The following TRPM1 variants were observed in gnomAD, a reference collection of about 807,000 sequenced individuals.
The protein encoded by TRPM1 is TRPM1-203 APA Isoform, Intron 10.
In TRPM1, 113 loss-of-function variants were observed where a neutral mutation model predicts 149.4. The ratio of observed to expected loss-of-function variants is 0.76; its 90% CI spans 0.65 to 0.88. The LOEUF (loss-of-function observed/expected upper bound fraction) is 0.88, where lower values mean the gene tolerates loss of function less well. TRPM1 is among the 40% of genes least tolerant of loss of function. The pLI is 0.00. For missense variants in TRPM1, 1,976 were observed against 2,038.7 expected (o/e 0.97, Z 0.59); for synonymous variants, 741 against 759.5 (o/e 0.98, Z 0.40).
At chr15:31,148,791 A>G (rs1410468637) in intron 1 of TRPM1, among the ~76,000 whole-genome samples, 4 of 152,100 alleles carry the variant, frequency 2.6e-5, no homozygotes, top group African/African-American at 9.7e-5. Context: ...TGGCTGGCTG[A>G]TTTTTGCCAG....
intron 1 of TRPM1, among the ~76,000 whole-genome samples, chr15:31,092,971 CAAT>C (rs1434615460): frequency 3.3e-5 from 5 of 151,546 alleles, no homozygotes; most frequent in Admixed American, 6.6e-5. Context: ...CAAAATAAAA[CAAT>C]AAGGGGCCGG....
intron 16 of TRPM1, among the ~76,000 whole-genome samples, chr15:31,044,369 C>T (rs977435668): frequency 6.6e-6 from 1 of 151,956 alleles, no homozygotes. Flanking sequence ...TAAAAGCAGA[C>T]ATTAATAAAA....
intron 1 of TRPM1, among the ~76,000 whole-genome samples, chr15:31,154,367 C>A (rs947500271): frequency 4.6e-5 from 7 of 152,098 alleles, no homozygotes; most frequent in Non-Finnish European, 8.8e-5. Context: ...CTGATGAGGA[C>A]TGGGGAACAG....
chr15:31,018,813 C>T (rs1002659529), intron 27 of TRPM1, among the ~76,000 whole-genome samples: 2 of 152,238 alleles, frequency 1.3e-5, no homozygotes, highest in East Asian at 1.9e-4. Context: ...TGTGCCACTA[C>T]ACCCGGCTAA....
At chr15:31,076,278 A>T (rs1025670954) in intron 3 of TRPM1, among the ~76,000 whole-genome samples, 3 of 152,174 alleles carry the variant, frequency 2.0e-5, no homozygotes, top group Non-Finnish European at 4.4e-5. Context: ...CTGTGTCATT[A>T]TTCTACCTGC....
rs370840215 is a variant in TRPM1, at chr15:31,142,484, T to C, written c.54+18422A>G. ...AATCAAAATAATTTCCTATGTTTCA[T>C]GTTTTCTTTATTAGGTCATTGATTA... On this transcript the variant is annotated intron_variant, in intron 1 of 26. Transcript: ENST00000542188. Among the ~76,000 whole-genome samples, 3 of 152,234 alleles carry C rather than the reference T, an allele frequency of 2.0e-5. No individual in the cohort carries two copies. In the East Asian group the frequency reaches 5.8e-4, roughly 29 times the overall value.
At chr15:31,033,192 T>A (rs2033176682) in intron 21 of TRPM1, among the ~76,000 whole-genome samples, 1 of 152,222 alleles carries the variant, frequency 6.6e-6, no homozygotes, top group Middle Eastern at 3.2e-3. Flanking sequence ...CTTCTGGCTG[T>A]AATTAAAGCA....
intron 3 of TRPM1, among the ~76,000 whole-genome samples, chr15:31,074,801 G>C (rs916080149): frequency 3.3e-5 from 5 of 151,948 alleles, no homozygotes; most frequent in South Asian, 2.1e-4. Context: ...TCTTAATATA[G>C]GTATTTACAG....
At chr15:31,054,454 C>T (rs556242785) in intron 11 of TRPM1, among the ~76,000 whole-genome samples, 2 of 152,116 alleles carry the variant, frequency 1.3e-5, no homozygotes, top group East Asian at 3.9e-4. Context: ...AACATCACAC[C>T]CGGGTAATTT....
rs898718360 is a variant in TRPM1, at chr15:31,089,925, C to T, written c.-83-8487G>A. Reference sequence around the variant, plus strand: ...CAGAGGATCCTGGGTTGGCCGGGAGCACCGTGTGGGGGTGGGAAGTGACTA... The same window carrying T: ...CAGAGGATCCTGGGTTGGCCGGGAGTACCGTGTGGGGGTGGGAAGTGACTA... On this transcript the variant is annotated intron_variant, in intron 1 of 27. Coordinates refer to ENST00000256552, the MANE Select transcript of TRPM1 (RefSeq NM_001252024.2). Among the ~76,000 whole-genome samples, 6 of 152,280 alleles carry T rather than the reference C, an allele frequency of 3.9e-5. No homozygotes were observed. The East Asian group carries it at 9.6e-4, about 24-fold the overall frequency.
rs139780547 is a variant in TRPM1, at chr15:31,088,311, C to T, written c.-83-6873G>A. ...TAAAAGCTGGTCACCAGCGCCAGCC[C>T]TGGCAATCCGCTCGGGTCTCCTTAT... On this transcript the variant is annotated intron_variant, in intron 1 of 27. Coordinates refer to ENST00000256552, the MANE Select transcript of TRPM1 (RefSeq NM_001252024.2). 4.1e-3 allele frequency among the ~76,000 whole-genome samples: 618 copies of T among 152,346 alleles called. 4 individuals carry two copies. The highest frequency in any genetic ancestry group is 7.2e-3 in the Non-Finnish European group (490 of 68,036).
rs183715388 is a variant in TRPM1, at chr15:31,086,250, G to A, written c.-83-4812C>T. Among the ~76,000 whole-genome samples the A allele has an allele frequency of 2.2e-3, 336 of 152,322 alleles. 1 individual carries two copies. Among genetic ancestry groups the A allele is most frequent in the Non-Finnish European group, 3.8e-3 (257 of 68,026 alleles). ...TGGGAGGAAGGGACGGGAGGAGAGG[G>A]GGAGCGGCAAGGTTGGCCTCTAGCC... On this transcript the variant is annotated intron_variant, in intron 1 of 27. Coordinates refer to ENST00000256552, the MANE Select transcript of TRPM1 (RefSeq NM_001252024.2).
At chr15:31,118,027 G>A (rs1477106751) in intron 1 of TRPM1, among the ~76,000 whole-genome samples, 2 of 152,160 alleles carry the variant, frequency 1.3e-5, no homozygotes, top group Non-Finnish European at 1.5e-5. Context: ...TTGGGAGGCC[G>A]AGGTGGGAGG....
chr15:31,042,292 C>T, intron 16 of TRPM1, 49 bp from the exon 17 acceptor site: 1 of 1,542,250 alleles, frequency 6.5e-7, no homozygotes, highest in Non-Finnish European at 8.7e-7. Context: ...AAGTATGCAA[C>T]AAAGAGTTCC....
upstream of TRPM1, among the ~76,000 whole-genome samples, chr15:31,102,593 T>G (rs888710165): frequency 2.6e-5 from 4 of 151,886 alleles, no homozygotes; most frequent in African/African-American, 9.7e-5. Context: ...GGAGTGGGAG[T>G]GCCCAGGTTG....
chr15:31,138,254 T>TA, intron 1 of TRPM1, among the ~76,000 whole-genome samples: 1 of 152,134 alleles, frequency 6.6e-6, no homozygotes, highest in East Asian at 1.9e-4. Flanking sequence ...GGGAAGCTCA[T>TA]AAAAAGAGCC....
rs564084128 is a variant in TRPM1, at chr15:31,021,597, G to A, written c.3629+4542C>T. On this transcript the variant is annotated intron_variant, in intron 27 of 27. Coordinates refer to ENST00000256552, the MANE Select transcript of TRPM1 (RefSeq NM_001252024.2). ...TGTAGCCTCAGCTACTCAGGAAGCT[G>A]AGGCAGTAGACTCACTTGAGCCCAG... is the stretch of plus-strand genomic sequence containing the variant. Among the ~76,000 whole-genome samples the A allele has an allele frequency of 4.7e-3, 719 of 151,918 alleles. 6 individuals are homozygous for A. Among genetic ancestry groups the A allele is most frequent in the South Asian group, 0.02 (95 of 4,812 alleles).
intron 2 of TRPM1, among the ~76,000 whole-genome samples, chr15:31,077,314 T>C (rs1239395450): frequency 6.6e-6 from 1 of 152,186 alleles, no homozygotes; most frequent in Admixed American, 6.5e-5. Context: ...CATCTGGAAA[T>C]GGCACGTTAG....
intron 1 of TRPM1, among the ~76,000 whole-genome samples, chr15:31,097,450 A>G (rs1208366692): frequency 2.0e-5 from 3 of 152,226 alleles, no homozygotes; most frequent in African/African-American, 7.2e-5. Context: ...TCTTTGACCC[A>G]GCACTTTCAC....
Sources: gnomAD v4.1 joint callset for allele counts (sites outside exome capture counted in the v4.1 genomes callset) on GRCh38, gnomAD v4.1.1 for gene constraint, MANE v1.5 for transcripts, NCBI Gene and HGNC (gene_info 2026-07-23, HGNC 2026-07-21) for gene names.